Variants in ERCC6 observed in about 807,000 individuals in gnomAD.
ERCC6 encodes the protein DNA excision repair protein ERCC-6.
Under a neutral mutation model 158.7 loss-of-function variants are expected in ERCC6, and 116 were observed. The observed-to-expected ratio is 0.73, with a 90% confidence interval of 0.63 to 0.85. The LOEUF is 0.85. Ranked by LOEUF, ERCC6 falls within the 40% of genes least tolerant of loss-of-function variation. ERCC6 has a pLI of 0.00. For synonymous variants in ERCC6, 678 were observed against 659.3 expected (o/e 1.03, Z -0.43); for missense variants, 1,698 against 1,799.4 (o/e 0.94, Z 1.02).
chr10:49,517,269 T>A, intron 5 of ERCC6: 1 of 1,215,086 alleles, frequency 8.2e-7, no homozygotes, highest in Non-Finnish European at 1.1e-6. Flanking sequence ...GCATAACTAG[T>A]AGAGAAGTTA....
At position 49,516,001 on chromosome 10, in the gene ERCC6, T is replaced by C. The variant is rs750889552; in HGVS notation, c.1397+8032A>G. The C allele has an allele frequency of 1.3e-5, 21 of 1,614,090 alleles. No individual in the cohort carries two copies. The highest frequency in any genetic ancestry group is 2.2e-5 in the East Asian group (1 of 44,892). ...ATGTGATCCTTTCTCACTGTACCTG[T>C]TGCCTGATGTCCCATTGAACTGAGC... is the stretch of plus-strand genomic sequence containing the variant. On this transcript the variant is annotated intron_variant, in intron 5 of 20. Transcript: ENST00000355832.
chr10:49,535,252 T>C (rs1837569877), intron 1 of ERCC6, among the ~76,000 whole-genome samples: 1 of 152,230 alleles, frequency 6.6e-6, no homozygotes, highest in Non-Finnish European at 1.5e-5. Context: ...AGCTTACATG[T>C]AATCAGTACC....
chr10:49,486,831 T>C (rs4253158), intron 8 of ERCC6, among the ~76,000 whole-genome samples: 223 of 152,266 alleles, frequency 1.5e-3, no homozygotes, highest in African/African-American at 4.6e-3. Context: ...TTCCAAAATA[T>C]AGAAAAAGAA....
rs1389139066 is a variant in ERCC6 at position 49,483,481 on chromosome 10, T to C, written c.1857A>G (p.Gly619=). The change falls in exon 9 of 21, where the codon GGA becomes GGG. Residue 619 remains glycine (G), a synonymous_variant. Coordinates refer to ENST00000355832, the MANE Select transcript of ERCC6 (RefSeq NM_000124.4). ...KLIRDVAHCH[G]ILITSYSYIR... ...TGTAGGAGTAAGATGTGATCAAAAT[T>C]CCATGACAATGAGCAACATCTCGAA... 1 of 1,613,982 alleles carries C rather than the reference T, an allele frequency of 6.2e-7. No homozygotes were observed. The highest frequency in any genetic ancestry group is 8.5e-7 in the Non-Finnish European group (1 of 1,180,014).
At chr10:49,530,962 T>C (rs2132636049) in intron 2 of ERCC6, 122 bp from the exon 3 acceptor site, 1 of 1,354,278 alleles carries the variant, frequency 7.4e-7, no homozygotes, top group African/African-American at 1.5e-5. Context: ...TAAAGGAAAC[T>C]AAACCAGAAT....
chr10:49,538,061 G>T (rs555150406), intron 1 of ERCC6, among the ~76,000 whole-genome samples: 48 of 152,326 alleles, frequency 3.2e-4, no homozygotes, highest in East Asian at 1.2e-3. Context: ...CCGAATTTTT[G>T]ACTTTATTTT....
the ERCC6 span, among the ~76,000 whole-genome samples, chr10:49,443,976 G>C: frequency 4.3e-4 from 66 of 152,320 alleles, no homozygotes; most frequent in African/African-American, 1.6e-3. Context: ...GGAAAAGGAA[G>C]GCCACTGTGA....
At chr10:49,502,340 C>G (rs1458277081) in intron 6 of ERCC6, 1 of 152,032 alleles carries the variant, frequency 6.6e-6, no homozygotes, top group Non-Finnish European at 1.5e-5. Flanking sequence ...GAGAAAAGAA[C>G]TAAAAATCAA....
At chr10:49,538,793 G>A (rs929903278) in intron 1 of ERCC6, among the ~76,000 whole-genome samples, 169 bp downstream of exon 1, 1 of 152,208 alleles carries the variant, frequency 6.6e-6, no homozygotes, top group African/African-American at 2.4e-5. Context: ...TCTCAGGTGA[G>A]GCCGCCGGAA....
At chr10:49,525,180 C>T (rs1177374287) in intron 4 of ERCC6, 1 of 224,650 alleles carries the variant, frequency 4.5e-6, no homozygotes, top group South Asian at 6.0e-5. Context: ...TTCAGATGGA[C>T]TTAAATTCAA....
chr10:49,441,127 T>C, the ERCC6 span, among the ~76,000 whole-genome samples: 1 of 152,216 alleles, frequency 6.6e-6, no homozygotes, highest in Admixed American at 6.5e-5. Context: ...TGACAAAATA[T>C]ATAATGGTTT....
intron 5 of ERCC6, 102 bp downstream of exon 5, chr10:49,523,931 G>T (rs1590473388): frequency 1.3e-6 from 2 of 1,524,562 alleles, no homozygotes; most frequent in East Asian, 2.3e-5. Context: ...AATCGGGGGG[G>T]TCTAATATAT....
the ERCC6 span, among the ~76,000 whole-genome samples, chr10:49,448,273 C>G: frequency 4.6e-5 from 7 of 152,146 alleles, no homozygotes; most frequent in Non-Finnish European, 1.0e-4. Context: ...TTTTGACTTG[C>G]CTTTCCCTAA....
At chr10:49,529,500 C>T (rs187797961) in intron 3 of ERCC6, among the ~76,000 whole-genome samples, 11 of 152,284 alleles carry the variant, frequency 7.2e-5, no homozygotes, top group Admixed American at 3.9e-4. Context: ...TTCACATGCT[C>T]CCACAAGAGA....
At chr10:49,486,099 A>G (rs1413163285) in intron 8 of ERCC6, among the ~76,000 whole-genome samples, 1 of 152,220 alleles carries the variant, frequency 6.6e-6, no homozygotes, top group Non-Finnish European at 1.5e-5. Flanking sequence ...CACAATAAGA[A>G]AAAAGAACCA....
In ERCC6 at chr10:49,470,246, G is replaced by A; in HGVS notation, c.3714C>T (p.Asn1238=). 1.2e-6 allele frequency: 2 copies of A among 1,614,056 alleles called. No homozygotes were observed. The highest frequency in any genetic ancestry group is 1.1e-5 in the South Asian group (1 of 91,072). The change falls in exon 18 of 21, where the codon AAC becomes AAT. Residue 1238 remains asparagine, a synonymous_variant. Coordinates refer to ENST00000355832, the MANE Select transcript of ERCC6 (RefSeq NM_000124.4). The part of the protein sequence containing the change: ...KRRYQKQDSE[N]KSEAKEQSND... ...TGCTCTGTTCCTTGGCCTCACTCTT[G>A]TTTTCACTGTCTTGCTTCTGGTAAC...
the ERCC6 span, among the ~76,000 whole-genome samples, chr10:49,448,788 T>C: frequency 6.6e-6 from 1 of 152,230 alleles, no homozygotes. Flanking sequence ...ATCAGTGTTA[T>C]AGCATGTATC....
At chr10:49,529,631 G>A (rs1273428506) in intron 3 of ERCC6, among the ~76,000 whole-genome samples, 6 of 152,134 alleles carry the variant, frequency 3.9e-5, no homozygotes, top group Non-Finnish European at 8.8e-5. Flanking sequence ...GTAACAGACT[G>A]GTGAGTGGAA....
chr10:49,480,221 G>A lies in ERCC6; in HGVS notation c.2170-1751C>T, dbSNP rs575818370. Reference sequence around the variant, plus strand: ...GCCCCAGGTGAGTCATCCCTTCTCCGAGAAGCCTTTCTGAGCCCCATAAGC... The same window carrying A: ...GCCCCAGGTGAGTCATCCCTTCTCCAAGAAGCCTTTCTGAGCCCCATAAGC... On this transcript the variant is annotated intron_variant, in intron 10 of 20. Transcript: ENST00000355832. Among the ~76,000 whole-genome samples the A allele has an allele frequency of 7.2e-5, 11 of 152,140 alleles. No individual in the cohort carries two copies. The South Asian group carries it at 8.3e-4, about 11-fold the overall frequency.
Sources: allele counts gnomAD v4.1 joint callset (sites outside exome capture counted in the v4.1 genomes callset), GRCh38; gene constraint gnomAD v4.1.1; transcripts MANE v1.5; gene names NCBI Gene and HGNC (gene_info 2026-07-23, HGNC 2026-07-21).